SCN9A: variants seen among roughly 807,000 people sequenced by gnomAD.
SCN9A encodes sodium channel protein type 9 subunit alpha.
In SCN9A, 131 loss-of-function variants were observed where a neutral mutation model predicts 187.0. That is an observed-to-expected ratio of 0.70 (90% CI 0.61 to 0.81). The LOEUF (loss-of-function observed/expected upper bound fraction) is 0.81, where lower values mean the gene tolerates loss of function less well. Ranked by LOEUF, SCN9A falls within the 30% of genes least tolerant of loss-of-function variation. The probability of loss-of-function intolerance (pLI) is 0.00; values close to 1 mark genes in which losing one functional copy is unlikely to be tolerated. For missense variants in SCN9A, 2,252 were observed against 2,396.6 expected, an observed-to-expected ratio of 0.94 and a Z score of 1.26; for synonymous variants, 809 against 808.6, an observed-to-expected ratio of 1.00 and a Z score of -0.01.
At chr2:166,324,405 G>GT (rs1274601457) in intron 1 of SCN9A, among the ~76,000 whole-genome samples, 13 of 152,092 alleles carry the variant, frequency 8.5e-5, no homozygotes, top group African/African-American at 2.7e-4. Context: ...GTGGACAAAT[G>GT]TAAAGATAAA....
At chr2:166,275,140 TGTG>T (rs1559000920) in intron 16 of SCN9A, among the ~76,000 whole-genome samples, 1 of 152,124 alleles carries the variant, frequency 6.6e-6, no homozygotes, top group Non-Finnish European at 1.5e-5. Context: ...GAGTGGAAAA[TGTG>T]GTGAGAGCCA....
At chr2:166,260,039 G>T (rs1197276682) in intron 17 of SCN9A, among the ~76,000 whole-genome samples, 1 of 151,744 alleles carries the variant, frequency 6.6e-6, no homozygotes, top group Admixed American at 6.6e-5. Context: ...ATTTTTAAAA[G>T]ATTATTATAT....
chr2:166,284,528 T>A lies in SCN9A; in HGVS notation c.1899A>T (p.Gly633=). 6.2e-7 allele frequency: 1 copy of A among 1,614,086 alleles called. No individual in the cohort carries two copies. Among genetic ancestry groups the A allele is most frequent in the African/African-American group, 1.3e-5 (1 of 75,034 alleles). Residue 633 remains glycine (G), a synonymous_variant, in exon 12 of 27, where the codon GGA becomes GGT. Transcript: ENST00000642356. ...CATTGGGGAGCATGAGGGCTGAGCG[T>A]CCATCAACCAGGGAGACCACACCGT... ...DCNGVVSLVD[G]RSALMLPNGQ...
rs1475008739 is a variant in SCN9A, at chr2:166,196,393, GAAC to G, written c.*2276_*2278del. ...AACATAGTTCATGAAATAGGAAAAA[GAAC>G]AACTTTATATATATTTTTGAAATGC... On this transcript the variant is annotated 3_prime_UTR_variant, in exon 27 of 27. Coordinates refer to ENST00000642356, the MANE Select transcript of SCN9A (RefSeq NM_001365536.1). The G allele has an allele frequency of 6.6e-6, 1 of 151,600 alleles. No individual in the cohort carries two copies. Among genetic ancestry groups the G allele is most frequent in the African/African-American group, 2.4e-5 (1 of 41,248 alleles). The allele number at this position is 151,600 out of a possible 1,614,324, so 9.4% of individuals were successfully genotyped here. A position where few individuals can be genotyped will look rare whatever the true frequency, so the allele number is the denominator to read the frequency against.
At chr2:166,370,134 G>T (rs1372830202) in intron 1 of SCN9A, among the ~76,000 whole-genome samples, 1 of 150,950 alleles carries the variant, frequency 6.6e-6, no homozygotes, top group Non-Finnish European at 1.5e-5. Context: ...AACATATAGT[G>T]TAGGAGCAAC....
chr2:166,213,385 G>A (rs1032231098), intron 24 of SCN9A, among the ~76,000 whole-genome samples: 2 of 149,326 alleles, frequency 1.3e-5, no homozygotes, highest in African/African-American at 4.9e-5. Flanking sequence ...GAAGGAATAG[G>A]TAAATTCCAA....
intron 1 of SCN9A, among the ~76,000 whole-genome samples, chr2:166,371,637 A>G (rs994972986): frequency 6.6e-6 from 1 of 152,210 alleles, no homozygotes; most frequent in Non-Finnish European, 1.5e-5. Flanking sequence ...ATATTTTTAT[A>G]CAATTTTATA....
intron 1 of SCN9A, among the ~76,000 whole-genome samples, chr2:166,328,617 A>G (rs1699423924): frequency 6.6e-6 from 1 of 152,184 alleles, no homozygotes; most frequent in Non-Finnish European, 1.5e-5. Flanking sequence ...TATACACTAA[A>G]GGAAGTACTT....
chr2:166,255,373 T>C (rs1401072341), intron 17 of SCN9A, among the ~76,000 whole-genome samples: 1 of 151,582 alleles, frequency 6.6e-6, no homozygotes, highest in Non-Finnish European at 1.5e-5. Context: ...ATATGTATCA[T>C]ATTAGAACAT....
intron 7 of SCN9A, among the ~76,000 whole-genome samples, chr2:166,295,575 T>C (rs991245196): frequency 1.3e-5 from 2 of 151,994 alleles, no homozygotes; most frequent in African/African-American, 4.8e-5. Context: ...AAAGGTACAG[T>C]AAAAAAATAC....
chr2:166,268,934 C>A (rs10754969), intron 17 of SCN9A, among the ~76,000 whole-genome samples: 139,177 of 151,870 alleles, frequency 0.92, 63,914 homozygotes, highest in African/African-American at 0.98. Context: ...TGACAACAAA[C>A]ACTTTTTTTA....
At chr2:166,215,845 A>C (rs1199170055) in intron 24 of SCN9A, among the ~76,000 whole-genome samples, 2 of 151,720 alleles carry the variant, frequency 1.3e-5, no homozygotes, top group African/African-American at 4.8e-5. Flanking sequence ...AATTCTTCTC[A>C]AATTCTTCCA....
At chr2:166,350,553 G>A (rs1036130055) in intron 1 of SCN9A, among the ~76,000 whole-genome samples, 2 of 152,144 alleles carry the variant, frequency 1.3e-5, no homozygotes, top group Non-Finnish European at 2.9e-5. Context: ...ATGAAATTTT[G>A]TAAATGATAA....
intron 1 of SCN9A, among the ~76,000 whole-genome samples, chr2:166,346,447 A>C (rs1699902803): frequency 6.6e-6 from 1 of 152,154 alleles, no homozygotes; most frequent in Non-Finnish European, 1.5e-5. Context: ...ACAACTCAAT[A>C]CTGTCCAGTA....
intron 18 of SCN9A, chr2:166,249,516 G>A (rs1558982154): frequency 6.6e-6 from 1 of 152,062 alleles, no homozygotes; most frequent in Non-Finnish European, 1.5e-5. Flanking sequence ...GTCTCTGCTG[G>A]AGCACATAAA....
chr2:166,241,791 C>G (rs1385525848), intron 19 of SCN9A, among the ~76,000 whole-genome samples: 2 of 152,110 alleles, frequency 1.3e-5, no homozygotes, highest in South Asian at 4.1e-4. Context: ...TTGCTCTGAG[C>G]TCCTTAAGAA....
At chr2:166,304,216 C>G in intron 6 of SCN9A, 22 bp downstream of exon 6, 1 of 1,611,378 alleles carries the variant, frequency 6.2e-7, no homozygotes, top group African/African-American at 1.3e-5. Context: ...TGGCCTAATG[C>G]TTCACACCAA....
intron 1 of SCN9A, among the ~76,000 whole-genome samples, chr2:166,370,211 A>C (rs371523166): frequency 1.8e-4 from 17 of 92,226 alleles, no homozygotes; most frequent in Middle Eastern, 5.0e-3. Flanking sequence ...TAATAATAAT[A>C]ATAATAATAA....
intron 1 of SCN9A, among the ~76,000 whole-genome samples, chr2:166,340,604 T>TTG (rs1238316249): frequency 2.2e-4 from 16 of 72,020 alleles, no homozygotes; most frequent in South Asian, 3.8e-4. Flanking sequence ...CTTTCTTTCT[T>TTG]TTTCTTTCTT....
Sources: gnomAD v4.1 joint callset for allele counts (sites outside exome capture counted in the v4.1 genomes callset) on GRCh38, gnomAD v4.1.1 for gene constraint, MANE v1.5 for transcripts, NCBI Gene and HGNC (gene_info 2026-07-23, HGNC 2026-07-21) for gene names.